The following HEPH variants were observed in gnomAD, a reference collection of about 807,000 sequenced individuals.
HEPH encodes hephaestin.
HEPH carries 69 observed loss-of-function variants against 80.8 expected under a neutral mutation model. The observed-to-expected ratio is 0.85, with a 90% CI of 0.70 to 1.04. HEPH has a LOEUF of 1.04. HEPH is among the 50% of genes least tolerant of loss of function. The probability of loss-of-function intolerance (pLI) is 0.00; values close to 1 mark genes in which losing one functional copy is unlikely to be tolerated. For synonymous variants in HEPH, 431 were observed against 322.8 expected (o/e 1.34, Z -3.60); for missense variants, 1,115 against 891.3 (o/e 1.25, Z -3.20).
chrX:66,194,782 C>G (rs2087996359), intron 8 of HEPH, among the ~76,000 whole-genome samples: 1 of 111,115 alleles, frequency 9.0e-6, no homozygotes. Flanking sequence ...GCTTATCAAC[C>G]ATTTAAATTT....
At chrX:66,253,697 C>T (rs2091078736) in intron 15 of HEPH, among the ~76,000 whole-genome samples, 1 of 112,084 alleles carries the variant, frequency 8.9e-6, no homozygotes, top group Non-Finnish European at 1.9e-5. Context: ...CCCAAATGTT[C>T]ATCAACTGAA....
rs748284323 is a variant in HEPH at position 66,188,528 on chromosome X, C to G, written c.795C>G (p.Ser265Arg). The change falls in exon 5 of 21, where the codon AGC becomes AGG. Residue 265 changes from serine (S) to arginine (R), a missense_variant. By Grantham distance (110) the Ser-to-Arg change is moderately radical. This residue lies in a region of HEPH where 391 missense variants were observed against 343.6 expected (regional missense o/e 1.14). Coordinates refer to ENST00000343002, the MANE Select transcript of HEPH (RefSeq NM_001367233.3). ...VDKEDETFQESNRMHAINGFV... is the reference protein window; with the variant it reads ...VDKEDETFQERNRMHAINGFV... ...AAGAAGATGAGACATTTCAGGAGAGCAATAGGATGCATGGTGAGTTGGGAA... is the reference window on the plus strand; with the variant it reads ...AAGAAGATGAGACATTTCAGGAGAGGAATAGGATGCATGGTGAGTTGGGAA... 5 of 1,204,566 alleles carry G rather than the reference C, an allele frequency of 4.2e-6. No homozygotes were observed. In the African/African-American group the frequency reaches 8.8e-5, roughly 21 times the overall value.
intron 4 of HEPH, among the ~76,000 whole-genome samples, chrX:66,186,825 A>G (rs1157392541): frequency 8.9e-6 from 1 of 111,744 alleles, no homozygotes; most frequent in Non-Finnish European, 1.9e-5. Flanking sequence ...TGTTTTCAAA[A>G]CTTTTAGAAT....
At position 66,266,614 on chromosome X, in the gene HEPH, G is replaced by T. The variant is rs757725630; in HGVS notation, c.3419G>T (p.Arg1140Leu). The change falls in exon 21 of 21, where the codon CGA (arginine) becomes CTA (leucine). Residue 1140 changes from arginine to leucine, a missense_variant. By Grantham distance (102) the Arg-to-Leu change is moderately radical. This residue lies in a region of HEPH where 716 missense variants were observed against 523.5 expected (regional missense o/e 1.37). Coordinates refer to ENST00000343002, the MANE Select transcript of HEPH (RefSeq NM_001367233.3). ...VWYQHRQRKLRRNRRSILDDS... is the reference protein window; with the variant it reads ...VWYQHRQRKLLRNRRSILDDS... The stretch of plus-strand genomic sequence containing the variant: ...TACCAACATCGACAGAGAAAGCTAC[G>T]ACGCAATAGGAGGTCCATCCTGGAT... 2.5e-6 allele frequency: 3 copies of T among 1,209,525 alleles called. No homozygotes were observed. The South Asian group carries it at 5.3e-5, about 21-fold the overall frequency.
At chrX:66,176,850 G>A (rs932877604) in intron 4 of HEPH, among the ~76,000 whole-genome samples, 12 of 111,563 alleles carry the variant, frequency 1.1e-4, no homozygotes, top group Admixed American at 4.8e-4. Context: ...TTATGGCTGC[G>A]TAGTATTCCA....
At chrX:66,210,388 T>G (rs1330192981) in intron 15 of HEPH, among the ~76,000 whole-genome samples, 1 of 111,890 alleles carries the variant, frequency 8.9e-6, no homozygotes, top group Non-Finnish European at 1.9e-5. Context: ...ATTTTAAGAC[T>G]TAGGCAGAAC....
chrX:66,177,876 G>A (rs1285829952), intron 4 of HEPH, among the ~76,000 whole-genome samples: 2 of 110,797 alleles, frequency 1.8e-5, no homozygotes, highest in African/African-American at 3.3e-5. Context: ...TTCCCTTTTA[G>A]CACCACTTTT....
chrX:66,245,131 A>G (rs997359801), intron 15 of HEPH, among the ~76,000 whole-genome samples: 1 of 111,269 alleles, frequency 9.0e-6, no homozygotes, highest in Admixed American at 9.6e-5. Context: ...ACATAACAGT[A>G]TTCACCTTAA....
chrX:66,206,167 T>G (rs1378941232), intron 13 of HEPH, among the ~76,000 whole-genome samples: 1 of 109,884 alleles, frequency 9.1e-6, no homozygotes, highest in African/African-American at 3.3e-5. Flanking sequence ...GCAGCAGTAG[T>G]TAATACTTTC....
At chrX:66,240,954 G>T (rs2090551317) in intron 15 of HEPH, among the ~76,000 whole-genome samples, 2 of 111,947 alleles carry the variant, frequency 1.8e-5, no homozygotes, top group South Asian at 7.4e-4. Context: ...CATTTTGGGA[G>T]GCCAAGGCAG....
At chrX:66,238,875 A>T (rs753190982) in intron 15 of HEPH, among the ~76,000 whole-genome samples, 1 of 112,543 alleles carries the variant, frequency 8.9e-6, no homozygotes, top group Non-Finnish European at 1.9e-5. Context: ...CTTATGGGAA[A>T]TGAAGGAATG....
At chrX:66,259,036 C>T (rs1336153057) in intron 18 of HEPH, 57 bp downstream of exon 18, 10 of 1,111,231 alleles carry the variant, frequency 9.0e-6, no homozygotes, top group Non-Finnish European at 1.2e-5. Context: ...GGTTTAACAG[C>T]AATTGAGAAA....
chrX:66,191,590 T>G (rs1402737593), intron 6 of HEPH, among the ~76,000 whole-genome samples: 1 of 112,248 alleles, frequency 8.9e-6, no homozygotes, highest in Non-Finnish European at 1.9e-5. Context: ...ACTTAGAATC[T>G]ACATTTTCCT....
At chrX:66,168,862 A>G (rs2086475672) in intron 1 of HEPH, among the ~76,000 whole-genome samples, 1 of 112,042 alleles carries the variant, frequency 8.9e-6, no homozygotes, top group African/African-American at 3.2e-5. Context: ...ATAATCTATT[A>G]GTTATATCTC....
intron 15 of HEPH, among the ~76,000 whole-genome samples, chrX:66,251,983 A>G (rs1411519077): frequency 1.8e-5 from 2 of 112,132 alleles, no homozygotes; most frequent in African/African-American, 3.2e-5. Context: ...TATGTGAAGC[A>G]TATGTTATGA....
In HEPH at chrX:66,210,943, G is replaced by GA. The variant is rs1300647708; in HGVS notation, c.2563+2701dup. ...GTGGGGAGATGTTGACTTTATTTTT[G>GA]AAAATCTTAATATGAGATGCCATAA... On this transcript the variant is annotated intron_variant, in intron 15 of 20. Transcript: ENST00000343002. 8.1e-4 allele frequency among the ~76,000 whole-genome samples: 90 copies of GA among 111,119 alleles called. 2 individuals carry two copies. The highest frequency in any genetic ancestry group is 2.9e-3 in the African/African-American group (90 of 30,687).
intron 9 of HEPH, among the ~76,000 whole-genome samples, chrX:66,197,037 T>G (rs1358530461): frequency 2.7e-5 from 3 of 110,933 alleles, no homozygotes; most frequent in Non-Finnish European, 5.7e-5. Flanking sequence ...TTGTAAAATC[T>G]TTGCTAAATT....
At position 66,207,476 on chromosome X, in the gene HEPH, C is replaced by A. The variant is rs186940056; in HGVS notation, c.2431+142C>A. Reference sequence around the variant, plus strand: ...TGGAATTATGGAATATTTTATGAAACAACCATGACAATAAACAGTGAAGGG... The same window carrying A: ...TGGAATTATGGAATATTTTATGAAAAAACCATGACAATAAACAGTGAAGGG... On this transcript the variant is annotated intron_variant, in intron 14 of 20. Coordinates refer to ENST00000343002, the MANE Select transcript of HEPH (RefSeq NM_001367233.3). 810 of 426,302 alleles carry A rather than the reference C, an allele frequency of 1.9e-3. 8 individuals are homozygous for A. In the African/African-American group the frequency reaches 0.019, roughly 10 times the overall value. 35.1% of individuals were successfully genotyped at this position (426,302 alleles called of 1,213,427 possible).
Position 66,188,461 on chromosome X carries a change from A to G in HEPH, c.728A>G (p.Glu243Gly). ...GAGAACCTCAGCTGGCATCTCAATG[A>G]GAACATTGCCACTTACTGCTCAGAT... is the stretch of plus-strand genomic sequence containing the variant. ...VDENLSWHLN[E>G]NIATYCSDPA... The change falls in exon 5 of 21, where the codon GAG (glutamate) becomes GGG (glycine). Residue 243 changes from glutamate (E) to glycine (G), a missense_variant. By Grantham distance (98) the Glu-to-Gly change is moderately conservative. Coordinates refer to ENST00000343002, the MANE Select transcript of HEPH (RefSeq NM_001367233.3). 1 of 1,210,086 alleles carries G rather than the reference A, an allele frequency of 8.3e-7. No homozygotes were observed. Among genetic ancestry groups the G allele is most frequent in the Non-Finnish European group, 1.1e-6 (1 of 894,320 alleles).
Sources: gnomAD v4.1 joint callset for allele counts (sites outside exome capture counted in the v4.1 genomes callset) on GRCh38, gnomAD v4.1.1 for gene constraint, gnomAD v4.1.1 regional missense constraint, MANE v1.5 for transcripts, NCBI Gene and HGNC (gene_info 2026-07-23, HGNC 2026-07-21) for gene names.